The following PRDM16 variants were observed in gnomAD, a reference collection of about 807,000 sequenced individuals.
The protein encoded by PRDM16 is histone-lysine N-methyltransferase PRDM16.
In PRDM16, 23 loss-of-function variants were observed where a neutral mutation model predicts 110.6. The ratio of observed to expected loss-of-function variants is 0.21; its 90% CI spans 0.15 to 0.29. The LOEUF is 0.29. Ranked by LOEUF, PRDM16 falls within the 10% of genes least tolerant of loss-of-function variation. The pLI is 1.00. For missense variants in PRDM16, 1,615 were observed against 1,794.3 expected (o/e 0.90, Z 1.81); for synonymous variants, 799 against 781.8 (o/e 1.02, Z -0.37).
intron 3 of PRDM16, among the ~76,000 whole-genome samples, chr1:3,258,270 A>T (rs1456111601): frequency 6.6e-6 from 1 of 152,154 alleles, no homozygotes; most frequent in African/African-American, 2.4e-5. Flanking sequence ...TCCTCTTCTC[A>T]TCTGTTATCT....
intron 1 of PRDM16, among the ~76,000 whole-genome samples, chr1:3,104,387 C>T (rs546826673): frequency 1.2e-4 from 19 of 152,322 alleles, no homozygotes; most frequent in African/African-American, 2.6e-4. Context: ...CAAGCGCCTC[C>T]GTGCACAGGG....
chr1:3,401,047 T>C lies in PRDM16; in HGVS notation c.677-1744T>C, dbSNP rs1422269634. Reference sequence around the variant, plus strand: ...CCAGCACCCTGCTGGAATCCCCACCTTGGGCACCTGAGGCTCAGGGAGCCA... The same window carrying C: ...CCAGCACCCTGCTGGAATCCCCACCCTGGGCACCTGAGGCTCAGGGAGCCA... On this transcript the variant is annotated intron_variant, in intron 5 of 16. Coordinates refer to ENST00000270722, the MANE Select transcript of PRDM16 (RefSeq NM_022114.4). Among the ~76,000 whole-genome samples, 3 of 152,158 alleles carry C rather than the reference T, an allele frequency of 2.0e-5. No individual in the cohort carries two copies. The East Asian group carries it at 5.8e-4, about 29-fold the overall frequency.
intron 3 of PRDM16, among the ~76,000 whole-genome samples, chr1:3,313,649 C>A (rs990664093): frequency 1.3e-5 from 2 of 152,270 alleles, no homozygotes; most frequent in Admixed American, 6.5e-5. Flanking sequence ...GCTCCACTCA[C>A]CCCGCCTGGG....
rs182510501 is a variant in PRDM16 at position 3,225,250 on chromosome 1, C to T, written c.388-18837C>T. 6.1e-3 allele frequency among the ~76,000 whole-genome samples: 927 copies of T among 152,286 alleles called. 12 individuals carry two copies. The highest frequency in any genetic ancestry group is 7.9e-3 in the Non-Finnish European group (539 of 68,022). ...TAAGTATAAATAAATCAGAAACACACGGATCTCATTTCCTTTAAAATACCC... is the reference window on the plus strand; with the variant it reads ...TAAGTATAAATAAATCAGAAACACATGGATCTCATTTCCTTTAAAATACCC... On this transcript the variant is annotated intron_variant, in intron 2 of 16. Coordinates refer to ENST00000270722, the MANE Select transcript of PRDM16 (RefSeq NM_022114.4).
intron 3 of PRDM16, among the ~76,000 whole-genome samples, chr1:3,247,579 C>T (rs1184691694): frequency 6.6e-6 from 1 of 152,240 alleles, no homozygotes; most frequent in Non-Finnish European, 1.5e-5. Flanking sequence ...GTCCTTCCTG[C>T]GCCCCTTCAG....
intron 3 of PRDM16, among the ~76,000 whole-genome samples, chr1:3,342,164 C>T (rs1642286056): frequency 6.6e-6 from 1 of 152,190 alleles, no homozygotes; most frequent in Non-Finnish European, 1.5e-5. Flanking sequence ...CACCAACACC[C>T]TCCCCACCGA....
At chr1:3,313,148 G>A (rs1035404346) in intron 3 of PRDM16, among the ~76,000 whole-genome samples, 2 of 152,250 alleles carry the variant, frequency 1.3e-5, no homozygotes, top group African/African-American at 4.8e-5. Flanking sequence ...CCTCGTGAGA[G>A]GATGATGAAG....
chr1:3,089,526 A>C (rs1570231756), intron 1 of PRDM16, among the ~76,000 whole-genome samples: 1 of 151,990 alleles, frequency 6.6e-6, no homozygotes, highest in South Asian at 2.1e-4. Context: ...GGGAAAATAA[A>C]CCCCCGCCAA....
chr1:3,295,821 G>A (rs1300875274), intron 3 of PRDM16, among the ~76,000 whole-genome samples: 1 of 152,172 alleles, frequency 6.6e-6, no homozygotes, highest in Non-Finnish European at 1.5e-5. Flanking sequence ...ATAACCCTGT[G>A]AAGTGGGGAA....
At chr1:3,219,140 C>T (rs942529213) in intron 2 of PRDM16, among the ~76,000 whole-genome samples, 2 of 152,252 alleles carry the variant, frequency 1.3e-5, no homozygotes, top group African/African-American at 2.4e-5. Context: ...ATTTTCAACA[C>T]AGCCTCACGG....
chr1:3,396,175 G>T, intron 4 of PRDM16: 1 of 435,892 alleles, frequency 2.3e-6, no homozygotes, highest in Non-Finnish European at 4.4e-6. Flanking sequence ...CACCCAGGTG[G>T]GCTCTTGGTG....
At chr1:3,178,267 C>G (rs17390167) in intron 1 of PRDM16, among the ~76,000 whole-genome samples, 8,000 of 149,942 alleles carry the variant, frequency 0.053, 178 homozygotes, top group Admixed American at 0.072. Flanking sequence ...TTGGAGGCCA[C>G]ATCTACACAG....
In PRDM16 at chr1:3,220,440, G is replaced by A. The variant is rs549801424; in HGVS notation, c.388-23647G>A. ...CTCTGTGGGCCTGGGACCTGGTCACGCAGGACCAGCACAGGTTGGGGCAAC... is the reference window on the plus strand; with the variant it reads ...CTCTGTGGGCCTGGGACCTGGTCACACAGGACCAGCACAGGTTGGGGCAAC... On this transcript the variant is annotated intron_variant, in intron 2 of 16. Coordinates refer to ENST00000270722, the MANE Select transcript of PRDM16 (RefSeq NM_022114.4). Among the ~76,000 whole-genome samples the A allele has an allele frequency of 1.1e-4, 16 of 152,314 alleles. 2 individuals are homozygous for A. In the South Asian group the frequency reaches 3.3e-3, roughly 32 times the overall value.
chr1:3,298,504 C>T (rs1641138485), intron 3 of PRDM16, among the ~76,000 whole-genome samples: 2 of 152,234 alleles, frequency 1.3e-5, no homozygotes, highest in Non-Finnish European at 2.9e-5. Context: ...ATTGAATCCC[C>T]ACCCCCCGGC....
At chr1:3,146,270 G>C (rs1009490253) in intron 1 of PRDM16, among the ~76,000 whole-genome samples, 4 of 152,280 alleles carry the variant, frequency 2.6e-5, no homozygotes, top group African/African-American at 7.2e-5. Flanking sequence ...ATCTGGGGTG[G>C]GGGGGGCCTC....
At chr1:3,119,715 T>C (rs900249131) in intron 1 of PRDM16, among the ~76,000 whole-genome samples, 13 of 152,182 alleles carry the variant, frequency 8.5e-5, no homozygotes, top group African/African-American at 3.1e-4. Flanking sequence ...GGGTGCCGTG[T>C]TTTGTACAAA....
At chr1:3,284,104 G>A (rs1640794649) in intron 3 of PRDM16, among the ~76,000 whole-genome samples, 1 of 152,170 alleles carries the variant, frequency 6.6e-6, no homozygotes, top group Non-Finnish European at 1.5e-5. Context: ...AGGGGCTGCT[G>A]CCCGCCACCC....
At position 3,255,106 on chromosome 1, in the gene PRDM16, G is replaced by A. The variant is rs1257768153; in HGVS notation, c.438+10969G>A. Among the ~76,000 whole-genome samples, 1 of 151,982 alleles carries A rather than the reference G, an allele frequency of 6.6e-6. No individual in the cohort carries two copies. Among genetic ancestry groups the A allele is most frequent in the South Asian group, 2.1e-4 (1 of 4,806 alleles). On this transcript the variant is annotated intron_variant, in intron 3 of 16. Transcript: ENST00000270722. The surrounding 1 kb of genome is among the most constrained non-coding windows in gnomAD (Gnocchi z 4.7). ...TGCTGGGAAAACTGGCTAGCCATAT[G>A]TAGAAAGCTGAAACTGGATCCCTTC...
At chr1:3,409,578 G>A (rs60965010) in intron 8 of PRDM16, among the ~76,000 whole-genome samples, 37,363 of 152,112 alleles carry the variant, frequency 0.25, 4,778 homozygotes, top group East Asian at 0.31. Flanking sequence ...GAAGCTTGCT[G>A]AAATCATTGT....
Sources: allele counts gnomAD v4.1 joint callset (sites outside exome capture counted in the v4.1 genomes callset), GRCh38; gene constraint gnomAD v4.1.1; non-coding constraint Gnocchi (gnomAD v3.1); transcripts MANE v1.5; gene names NCBI Gene and HGNC (gene_info 2026-07-23, HGNC 2026-07-21).